Variants in PDE8B observed in about 807,000 individuals in gnomAD.
The protein encoded by PDE8B is phosphodiesterase 8B.
Under a neutral mutation model 101.3 loss-of-function variants are expected in PDE8B, and 26 were observed. The ratio of observed to expected loss-of-function variants is 0.26; its 90% CI spans 0.19 to 0.36. The LOEUF is 0.36. PDE8B is among the 10% of genes least tolerant of loss of function. PDE8B has a pLI of 1.00. For synonymous variants in PDE8B, 424 were observed against 429.3 expected, an observed-to-expected ratio of 0.99 and a Z score of 0.15; for missense variants, 810 against 1,163.1, an observed-to-expected ratio of 0.70 and a Z score of 4.42.
At position 77,210,750 on chromosome 5, in the gene PDE8B, C is replaced by A; in HGVS notation, c.-176C>A. Reference sequence around the variant, plus strand: ...GAAAGTTGGGGTGACGCGCGCGGTCCCCGGAGGCTCGGCGGGGGGCACCGC... The same window carrying A: ...GAAAGTTGGGGTGACGCGCGCGGTCACCGGAGGCTCGGCGGGGGGCACCGC... On this transcript the variant is annotated 5_prime_UTR_variant, in exon 1 of 22. Coordinates refer to ENST00000264917, the MANE Select transcript of PDE8B (RefSeq NM_003719.5). The surrounding 1 kb of genome is among the most constrained non-coding windows in gnomAD (Gnocchi z 4.9). The A allele has an allele frequency of 1.0e-6, 1 of 982,110 alleles. No homozygotes were observed. The highest frequency in any genetic ancestry group is 1.2e-6 in the Non-Finnish European group (1 of 829,078). The allele number at this position is 982,110 out of a possible 1,614,324, so 60.8% of individuals were successfully genotyped here.
rs115599001 is a variant in PDE8B, at chr5:77,312,016, G to A, written c.362G>A (p.Arg121His). ...SVKQVSSAEV[R>H]IGPMRLTQDP... ...TAGCAGGTGTCTTCTGCGGAGGTGC[G>A]CATCGGGCCCATGAGACTGACGCAG... The change falls in exon 2 of 22, where the codon CGC (arginine) becomes CAC (histidine). Residue 121 changes from arginine to histidine, a missense_variant. Coordinates refer to ENST00000264917, the MANE Select transcript of PDE8B (RefSeq NM_003719.5). 0.012 allele frequency: 18,763 copies of A among 1,612,902 alleles called. 119 individuals are homozygous for A. Among genetic ancestry groups the A allele is most frequent in the Non-Finnish European group, 0.014 (16,477 of 1,179,152 alleles).
At chr5:77,415,805 G>T (rs1011722483) in intron 17 of PDE8B, among the ~76,000 whole-genome samples, 1 of 152,220 alleles carries the variant, frequency 6.6e-6, no homozygotes, top group East Asian at 1.9e-4. Flanking sequence ...TGCAAGTGGA[G>T]AAGCCAGGAT....
intron 1 of PDE8B, among the ~76,000 whole-genome samples, chr5:77,288,171 G>T (rs927019881): frequency 1.3e-5 from 2 of 152,140 alleles, no homozygotes; most frequent in African/African-American, 4.8e-5. Flanking sequence ...CTATCTCCAG[G>T]TCAATTCTGT....
chr5:77,390,271 G>A (rs1015874613), intron 10 of PDE8B, among the ~76,000 whole-genome samples: 1 of 152,086 alleles, frequency 6.6e-6, no homozygotes, highest in Admixed American at 6.6e-5. Flanking sequence ...TTAGCACAAG[G>A]ACAGCAAAAT....
intron 1 of PDE8B, among the ~76,000 whole-genome samples, chr5:77,307,337 C>T (rs1467395154): frequency 6.6e-6 from 1 of 152,110 alleles, no homozygotes; most frequent in Non-Finnish European, 1.5e-5. Context: ...ACCTCCCAAA[C>T]CAGAAGTATT....
chr5:77,341,511 T>C (rs1159981589), intron 6 of PDE8B, among the ~76,000 whole-genome samples: 1 of 152,206 alleles, frequency 6.6e-6, no homozygotes, highest in African/African-American at 2.4e-5. Flanking sequence ...GAAACCTGTT[T>C]ACATAGTTAG....
chr5:77,314,895 T>G (rs1447433223), intron 2 of PDE8B, among the ~76,000 whole-genome samples: 1 of 152,188 alleles, frequency 6.6e-6, no homozygotes, highest in African/African-American at 2.4e-5. Context: ...ATGAGTAGTA[T>G]TATCATGATT....
the PDE8B span, among the ~76,000 whole-genome samples, chr5:77,171,802 C>T: frequency 1.1e-4 from 17 of 152,210 alleles, no homozygotes; most frequent in East Asian, 2.9e-3. Context: ...TGGGTTGCCG[C>T]GGAGGGATGG....
chr5:77,152,285 C>T, the PDE8B span: 1 of 152,306 alleles, frequency 6.6e-6, no homozygotes, highest in South Asian at 2.1e-4. Context: ...GACCCAGGTT[C>T]TAGGTATCTA....
Position 77,264,656 on chromosome 5 carries a change from A to G in PDE8B, c.340-47338A>G, listed in dbSNP as rs1262124292. Among the ~76,000 whole-genome samples the G allele has an allele frequency of 2.0e-5, 3 of 152,304 alleles. No individual in the cohort carries two copies. In the East Asian group the frequency reaches 5.8e-4, roughly 29 times the overall value. On this transcript the variant is annotated intron_variant, in intron 1 of 21. Coordinates refer to ENST00000264917, the MANE Select transcript of PDE8B (RefSeq NM_003719.5). ...TAAGTAGTGGTTGTTGGATATAGTCAACAAAGAGGACATATCCAATTTTAT... is the reference window on the plus strand; with the variant it reads ...TAAGTAGTGGTTGTTGGATATAGTCGACAAAGAGGACATATCCAATTTTAT...
At chr5:77,204,050 G>GTTTTTTTTTTT in the PDE8B span, among the ~76,000 whole-genome samples, 1 of 113,620 alleles carries the variant, frequency 8.8e-6, no homozygotes. Context: ...TGTACCCTTA[G>GTTTTTTTTTTT]TTTTTTTTTT....
At chr5:77,376,531 C>T (rs1001450050) in intron 10 of PDE8B, among the ~76,000 whole-genome samples, 2 of 152,122 alleles carry the variant, frequency 1.3e-5, no homozygotes, top group Non-Finnish European at 2.9e-5. Flanking sequence ...GGGACTGGGA[C>T]CTAACCACCT....
intron 7 of PDE8B, 82 bp downstream of exon 7, chr5:77,345,013 C>A: frequency 1.1e-6 from 1 of 878,338 alleles, no homozygotes; most frequent in Non-Finnish European, 2.0e-6. Context: ...AAGTACTTTC[C>A]CATCATCCTC....
intron 1 of PDE8B, among the ~76,000 whole-genome samples, chr5:77,234,415 G>A (rs950723785): frequency 6.6e-6 from 1 of 152,054 alleles, no homozygotes; most frequent in Non-Finnish European, 1.5e-5. Flanking sequence ...TGAGAGAAGG[G>A]GCCCTCCTCC....
chr5:77,288,942 TTTGTAGAAAA>T (rs1187048290), intron 1 of PDE8B, among the ~76,000 whole-genome samples: 1 of 152,026 alleles, frequency 6.6e-6, no homozygotes, highest in African/African-American at 2.4e-5. Flanking sequence ...ATTCTTCTCA[TTTGTAGAAAA>T]TTGTCCTTGA....
At chr5:77,425,201 A>AG (rs1316797397) in intron 20 of PDE8B, among the ~76,000 whole-genome samples, 1 of 152,214 alleles carries the variant, frequency 6.6e-6, no homozygotes, top group Non-Finnish European at 1.5e-5. Context: ...TGATAAAAGC[A>AG]GATCCCAGAA....
chr5:77,135,083 T>C, the PDE8B span, among the ~76,000 whole-genome samples: 2 of 152,220 alleles, frequency 1.3e-5, no homozygotes, highest in African/African-American at 4.8e-5. Flanking sequence ...CACTTGTGCC[T>C]ACCTGATGTG....
chr5:77,251,690 G>A (rs35022674), intron 1 of PDE8B, among the ~76,000 whole-genome samples: 12,705 of 152,008 alleles, frequency 0.084, 799 homozygotes, highest in Admixed American at 0.17. Flanking sequence ...CCACCGCATC[G>A]CTCTCTCTCT....
chr5:77,300,486 C>T (rs1261455270), intron 1 of PDE8B, among the ~76,000 whole-genome samples: 1 of 152,220 alleles, frequency 6.6e-6, no homozygotes, highest in Non-Finnish European at 1.5e-5. Flanking sequence ...AGCCCATCTT[C>T]AGCTTAGTCA....
Sources: allele counts gnomAD v4.1 joint callset (sites outside exome capture counted in the v4.1 genomes callset), GRCh38; gene constraint gnomAD v4.1.1; non-coding constraint Gnocchi (gnomAD v3.1); transcripts MANE v1.5; gene names NCBI Gene and HGNC (gene_info 2026-07-23, HGNC 2026-07-21).